The following SUPT3H variants were observed in gnomAD, a reference collection of about 807,000 sequenced individuals.
SUPT3H encodes SPT3 homolog, SAGA and STAGA complex component.
A neutral mutation model predicts 44.3 loss-of-function variants in SUPT3H; 44 were observed. The observed-to-expected ratio is 0.99, with a 90% CI of 0.78 to 1.28. SUPT3H has a LOEUF of 1.28. Among genes scored for constraint, SUPT3H ranks in the 50% most tolerant of loss-of-function variants. The probability of loss-of-function intolerance (pLI) is 0.00; values close to 1 mark genes in which losing one functional copy is unlikely to be tolerated. For synonymous variants in SUPT3H, 124 were observed against 125.6 expected, an observed-to-expected ratio of 0.99 and a Z score of 0.09; for missense variants, 380 against 387.1, an observed-to-expected ratio of 0.98 and a Z score of 0.15.
At chr6:45,176,544 C>T (rs1464880896) in intron 2 of SUPT3H, among the ~76,000 whole-genome samples, 2 of 150,216 alleles carry the variant, frequency 1.3e-5, no homozygotes. Context: ...ACAAAGCAGC[C>T]AGGAAGCTCG....
chr6:45,196,613 T>G (rs1816074275), intron 2 of SUPT3H, among the ~76,000 whole-genome samples: 1 of 152,028 alleles, frequency 6.6e-6, no homozygotes. Flanking sequence ...ATGTTTAGCA[T>G]TACACAAACA....
At chr6:45,286,303 A>G (rs533951087) in intron 2 of SUPT3H, among the ~76,000 whole-genome samples, 2 of 152,196 alleles carry the variant, frequency 1.3e-5, no homozygotes, top group Middle Eastern at 3.2e-3. Flanking sequence ...ATCAGAGTGA[A>G]CAGGCAACCT....
intron 2 of SUPT3H, among the ~76,000 whole-genome samples, chr6:45,115,660 CTAAGATTT>C (rs1239471581): frequency 6.6e-6 from 1 of 152,046 alleles, no homozygotes; most frequent in Non-Finnish European, 1.5e-5. Flanking sequence ...AAAATGCAAC[CTAAGATTT>C]TAGAACTCCA....
intron 3 of SUPT3H, among the ~76,000 whole-genome samples, chr6:45,061,824 T>C (rs974673758): frequency 1.3e-5 from 2 of 151,958 alleles, no homozygotes; most frequent in African/African-American, 2.4e-5. Context: ...ATACCATTGT[T>C]CTGAGCTGTA....
chr6:45,142,617 T>C (rs530173642), intron 2 of SUPT3H, among the ~76,000 whole-genome samples: 9 of 151,430 alleles, frequency 5.9e-5, no homozygotes, highest in Non-Finnish European at 7.4e-5. Flanking sequence ...ATGCCTGTAA[T>C]CTGAGCTACT....
chr6:45,330,364 G>C (rs929534683), intron 2 of SUPT3H, among the ~76,000 whole-genome samples: 2 of 151,894 alleles, frequency 1.3e-5, no homozygotes, highest in Non-Finnish European at 2.9e-5. Context: ...GAGATAAAAG[G>C]AAAAAGAATA....
chr6:44,949,682 A>AT (rs1773971445), intron 9 of SUPT3H, among the ~76,000 whole-genome samples: 1 of 152,174 alleles, frequency 6.6e-6, no homozygotes, highest in African/African-American at 2.4e-5. Flanking sequence ...TGGCCAATCA[A>AT]TACATTAAAA....
chr6:45,030,109 T>C (rs1470113108), intron 3 of SUPT3H, among the ~76,000 whole-genome samples: 3 of 151,400 alleles, frequency 2.0e-5, no homozygotes, highest in African/African-American at 7.4e-5. Flanking sequence ...GAAATGAAAA[T>C]ACAATTTGAC....
chr6:44,957,597 G>T (rs554775993), intron 7 of SUPT3H, among the ~76,000 whole-genome samples: 6 of 151,918 alleles, frequency 3.9e-5, no homozygotes. Context: ...AAAAGTGAGG[G>T]AAAGGATCAT....
intron 2 of SUPT3H, among the ~76,000 whole-genome samples, chr6:45,141,784 T>C (rs1010785349): frequency 2.6e-5 from 4 of 152,162 alleles, no homozygotes; most frequent in Admixed American, 2.6e-4. Context: ...CACAGATGAA[T>C]TGGTGTTCCT....
chr6:45,061,421 G>A (rs1583310805), intron 3 of SUPT3H, among the ~76,000 whole-genome samples: 1 of 152,224 alleles, frequency 6.6e-6, no homozygotes, highest in East Asian at 1.9e-4. Context: ...ACACTGTGGG[G>A]AACAACACAT....
chr6:45,269,698 T>A (rs999427602), intron 2 of SUPT3H, among the ~76,000 whole-genome samples: 9 of 152,236 alleles, frequency 5.9e-5, no homozygotes, highest in Admixed American at 2.6e-4. Context: ...ATTTAATTGT[T>A]TGCTTTATAC....
chr6:45,134,909 C>T (rs931617139), intron 2 of SUPT3H, among the ~76,000 whole-genome samples: 1 of 152,178 alleles, frequency 6.6e-6, no homozygotes, highest in Non-Finnish European at 1.5e-5. Context: ...TGTGGCAGCT[C>T]TACCCCTACA....
chr6:44,821,652 T>A (rs1247824518), intron 11 of SUPT3H, among the ~76,000 whole-genome samples: 1 of 152,080 alleles, frequency 6.6e-6, no homozygotes, highest in African/African-American at 2.4e-5. Flanking sequence ...GGCAAAGCAA[T>A]AAAATGTCAG....
chr6:44,959,613 C>T (rs12663798), intron 7 of SUPT3H, among the ~76,000 whole-genome samples: 18,303 of 151,918 alleles, frequency 0.12, 1,443 homozygotes, highest in East Asian at 0.27. Flanking sequence ...CTTTGTGTGT[C>T]AATATTAATA....
downstream of SUPT3H, among the ~76,000 whole-genome samples, chr6:44,826,075 T>C (rs1767725215): frequency 1.3e-5 from 2 of 152,236 alleles, no homozygotes; most frequent in African/African-American, 2.4e-5. Context: ...TTAGGTATCA[T>C]GGTATCAGTA....
chr6:45,186,390 C>T (rs1814218002), intron 2 of SUPT3H, among the ~76,000 whole-genome samples: 1 of 151,916 alleles, frequency 6.6e-6, no homozygotes, highest in South Asian at 2.1e-4. Flanking sequence ...AGACGTATTT[C>T]AAAAAACCTT....
intron 10 of SUPT3H, among the ~76,000 whole-genome samples, chr6:44,856,879 G>A (rs888052487): frequency 5.3e-5 from 8 of 152,150 alleles, no homozygotes; most frequent in Non-Finnish European, 7.4e-5. Context: ...TAATGATTCC[G>A]TTGATTTAAC....
At chr6:44,835,097 G>A (rs1247103083) in intron 10 of SUPT3H, among the ~76,000 whole-genome samples, 1 of 152,080 alleles carries the variant, frequency 6.6e-6, no homozygotes, top group Non-Finnish European at 1.5e-5. Context: ...ATAGCTGAAA[G>A]GTTCTGTGGC....
Sources: gnomAD v4.1 joint callset for allele counts (sites outside exome capture counted in the v4.1 genomes callset) on GRCh38, gnomAD v4.1.1 for gene constraint, MANE v1.5 for transcripts, NCBI Gene and HGNC (gene_info 2026-07-23, HGNC 2026-07-21) for gene names.